The following LRFN5 variants were observed in gnomAD, a reference collection of about 807,000 sequenced individuals.
LRFN5 encodes leucine rich repeat and fibronectin type III domain containing 5, also known as leucine-rich repeat and fibronectin type-III domain-containing protein 5.
A neutral mutation model predicts 45.6 loss-of-function variants in LRFN5; 24 were observed. The ratio of observed to expected loss-of-function variants is 0.53; its 90% CI spans 0.38 to 0.74. The LOEUF is 0.74. Among genes scored for constraint, LRFN5 ranks in the 30% least tolerant of loss-of-function variants. The pLI is 0.00. For missense variants in LRFN5, 776 were observed against 861.5 expected, an observed-to-expected ratio of 0.90 and a Z score of 1.24; for synonymous variants, 340 against 313.8, an observed-to-expected ratio of 1.08 and a Z score of -0.88.
At chr14:41,844,164 GCA>G (rs1566478717) in intron 2 of LRFN5, among the ~76,000 whole-genome samples, 9 of 152,206 alleles carry the variant, frequency 5.9e-5, no homozygotes, top group East Asian at 1.9e-4. Context: ...TCGGCCGGGT[GCA>G]GTGGCTCACG....
chr14:41,702,868 A>G (rs952185423), intron 1 of LRFN5, among the ~76,000 whole-genome samples: 2 of 152,086 alleles, frequency 1.3e-5, no homozygotes, highest in Non-Finnish European at 2.9e-5. Flanking sequence ...TCTCTCAGTT[A>G]AGAGAGAGAA....
At chr14:41,805,561 C>G (rs1010787628) in intron 2 of LRFN5, among the ~76,000 whole-genome samples, 43 of 147,602 alleles carry the variant, frequency 2.9e-4, no homozygotes, top group African/African-American at 8.8e-4. Context: ...CCACCCCCCC[C>G]ACCCCACAGC....
intron 2 of LRFN5, among the ~76,000 whole-genome samples, chr14:41,818,650 G>A (rs1888004638): frequency 1.3e-5 from 2 of 151,878 alleles, no homozygotes. Flanking sequence ...TACTTCTCTT[G>A]TTTCAATTGT....
intron 2 of LRFN5, among the ~76,000 whole-genome samples, chr14:41,805,553 A>AC (rs545584340): frequency 0.017 from 2,182 of 129,860 alleles, 61 homozygotes; most frequent in African/African-American, 0.057. Context: ...CTATCCCTCC[A>AC]CCCCCCCCAC....
chr14:41,770,376 C>T (rs561094734), intron 2 of LRFN5, among the ~76,000 whole-genome samples: 1 of 152,228 alleles, frequency 6.6e-6, no homozygotes, highest in South Asian at 2.1e-4. Context: ...TTAATCATTC[C>T]AACATTAAGT....
chr14:41,647,091 C>G (rs189742754), intron 1 of LRFN5, among the ~76,000 whole-genome samples: 1 of 152,038 alleles, frequency 6.6e-6, no homozygotes, highest in African/African-American at 2.4e-5. Context: ...TAACATTAGC[C>G]CCAAGTCTTA....
intron 1 of LRFN5, among the ~76,000 whole-genome samples, chr14:41,752,830 A>C (rs1394900184): frequency 6.6e-6 from 1 of 152,202 alleles, no homozygotes; most frequent in Non-Finnish European, 1.5e-5. Context: ...TTAGACATGA[A>C]GTCCTTGCCC....
intron 1 of LRFN5, among the ~76,000 whole-genome samples, chr14:41,664,678 A>G (rs149394725): frequency 0.021 from 3,135 of 152,128 alleles, 49 homozygotes; most frequent in Non-Finnish European, 0.031. Flanking sequence ...ATAATGAAAA[A>G]TAAATAAAAT....
intron 1 of LRFN5, among the ~76,000 whole-genome samples, chr14:41,721,692 C>T (rs1452276874): frequency 6.6e-6 from 1 of 152,146 alleles, no homozygotes; most frequent in African/African-American, 2.4e-5. Flanking sequence ...TGAAAAAAGG[C>T]TTCCAGTCTC....
At chr14:41,778,152 A>G (rs116362391) in intron 2 of LRFN5, among the ~76,000 whole-genome samples, 5 of 151,722 alleles carry the variant, frequency 3.3e-5, no homozygotes, top group Non-Finnish European at 5.9e-5. Context: ...ATATTTAAAT[A>G]TGAAATATTT....
rs1887518372 is a variant in LRFN5, at chr14:41,607,136, G to GT, written c.-1622dup. 6.6e-6 allele frequency among the ~76,000 whole-genome samples: 1 copy of GT among 152,196 alleles called. No individual in the cohort carries two copies. On this transcript the variant is annotated 5_prime_UTR_variant, in exon 1 of 6. It removes the in-frame stop codon of an upstream open reading frame in the 5' UTR. Coordinates refer to ENST00000298119, the MANE Select transcript of LRFN5 (RefSeq NM_152447.5). ...CAGAGCTGCCCGAACGGAGGACTATGTATGTGTGTGCGCGTGTTTGCGTGT... is the reference window on the plus strand; with the variant it reads ...CAGAGCTGCCCGAACGGAGGACTATGTTATGTGTGTGCGCGTGTTTGCGTGT...
chr14:41,663,146 T>C (rs1176228380), intron 1 of LRFN5, among the ~76,000 whole-genome samples: 2 of 152,146 alleles, frequency 1.3e-5, no homozygotes, highest in African/African-American at 4.8e-5. Flanking sequence ...TTCTAACATG[T>C]CTTTTTATTT....
chr14:41,712,900 AC>A (rs887223893), intron 1 of LRFN5, among the ~76,000 whole-genome samples: 2 of 151,780 alleles, frequency 1.3e-5, no homozygotes, highest in African/African-American at 4.8e-5. Flanking sequence ...TCACAGCATT[AC>A]ATTTTACTCC....
intron 2 of LRFN5, among the ~76,000 whole-genome samples, chr14:41,792,573 G>C (rs976012334): frequency 1.4e-5 from 2 of 147,686 alleles, no homozygotes; most frequent in Non-Finnish European, 3.1e-5. Context: ...TTCCTTGCTA[G>C]GAAAACAATT....
At chr14:41,649,685 T>A (rs927820860) in intron 1 of LRFN5, among the ~76,000 whole-genome samples, 2 of 152,198 alleles carry the variant, frequency 1.3e-5, no homozygotes, top group Middle Eastern at 3.2e-3. Flanking sequence ...AAATGACACC[T>A]GATCACCCTG....
intron 2 of LRFN5, among the ~76,000 whole-genome samples, chr14:41,821,305 T>G (rs1404123039): frequency 6.6e-6 from 1 of 151,980 alleles, no homozygotes; most frequent in Non-Finnish European, 1.5e-5. Flanking sequence ...TTGTTGAAAG[T>G]TTTTTAAATT....
chr14:41,817,817 T>G (rs912767719), intron 2 of LRFN5, among the ~76,000 whole-genome samples: 2 of 152,088 alleles, frequency 1.3e-5, no homozygotes, highest in Non-Finnish European at 2.9e-5. Flanking sequence ...CCTTTGGAGT[T>G]TTTAACTCTC....
Position 41,887,923 on chromosome 14 carries a change from T to G in LRFN5, c.1298T>G (p.Leu433Arg). 1 of 1,613,896 alleles carries G rather than the reference T, an allele frequency of 6.2e-7. No individual in the cohort carries two copies. The highest frequency in any genetic ancestry group is 2.2e-5 in the East Asian group (1 of 44,850). ...GAAGCTACATCATCAACGGCACTAC[T>G]TAAATTTAATTTTCAAAGAAATATC... ...VAEATSSTAL[L>R]KFNFQRNIPG... The change falls in exon 3 of 6, where the codon CTT (leucine) becomes CGT (arginine). Residue 433 changes from leucine to arginine, a missense_variant. By Grantham distance (102) the Leu-to-Arg change is moderately radical. This residue lies in a region of LRFN5 where 465 missense variants were observed against 456.4 expected (regional missense o/e 1.02). Transcript: ENST00000298119. This position sits in a 1 kb window ranked among gnomAD's most constrained non-coding sequence, Gnocchi z 4.8.
chr14:41,624,367 C>G (rs1888249147), intron 1 of LRFN5, among the ~76,000 whole-genome samples: 1 of 151,892 alleles, frequency 6.6e-6, no homozygotes, highest in African/African-American at 2.4e-5. Flanking sequence ...TAATCATGAA[C>G]AAGGAGAATA....
Sources: allele counts gnomAD v4.1 joint callset (sites outside exome capture counted in the v4.1 genomes callset), GRCh38; gene constraint gnomAD v4.1.1; regional missense constraint gnomAD v4.1.1; non-coding constraint Gnocchi (gnomAD v3.1); transcripts MANE v1.5; gene names NCBI Gene and HGNC (gene_info 2026-07-23, HGNC 2026-07-21).